Variants in HTR4 observed in about 807,000 individuals in gnomAD.
HTR4 encodes 5-hydroxytryptamine (serotonin) receptor 4, G protein-coupled.
Under a neutral mutation model 36.8 loss-of-function variants are expected in HTR4, and 16 were observed. The observed-to-expected ratio is 0.43, with a 90% CI of 0.29 to 0.66. The LOEUF is 0.66. HTR4 is among the 30% of genes least tolerant of loss of function. The pLI is 0.13. For missense variants in HTR4, 438 were observed against 490.9 expected, an observed-to-expected ratio of 0.89 and a Z score of 1.02; for synonymous variants, 189 against 185.1, an observed-to-expected ratio of 1.02 and a Z score of -0.17.
chr5:148,553,361 C>T (rs1759789270), intron 2 of HTR4, among the ~76,000 whole-genome samples: 1 of 152,186 alleles, frequency 6.6e-6, no homozygotes, highest in African/African-American at 2.4e-5. Flanking sequence ...GAACTTTAAG[C>T]AGTGGTTCCC....
intron 2 of HTR4, among the ~76,000 whole-genome samples, chr5:148,633,359 G>C (rs537604257): frequency 6.6e-6 from 1 of 151,500 alleles, no homozygotes; most frequent in South Asian, 2.1e-4. Flanking sequence ...ATAGCGCATT[G>C]TATGTATCTT....
intron 2 of HTR4, among the ~76,000 whole-genome samples, chr5:148,584,459 A>G (rs1476286062): frequency 6.6e-6 from 1 of 152,192 alleles, no homozygotes; most frequent in Non-Finnish European, 1.5e-5. Flanking sequence ...GTATTTATAT[A>G]TAAAAAAACT....
At chr5:148,502,824 G>A (rs1232213076) in intron 6 of HTR4, among the ~76,000 whole-genome samples, 1 of 152,196 alleles carries the variant, frequency 6.6e-6, no homozygotes, top group African/African-American at 2.4e-5. Context: ...GAAAACCAAG[G>A]CACGAGAACT....
At chr5:148,614,413 G>C (rs1244173208) in intron 2 of HTR4, among the ~76,000 whole-genome samples, 1 of 152,148 alleles carries the variant, frequency 6.6e-6, no homozygotes, top group East Asian at 1.9e-4. Context: ...ACAAACTTGA[G>C]AAAAACAAGC....
At chr5:148,485,722 G>C (rs1214627498) in intron 6 of HTR4, among the ~76,000 whole-genome samples, 1 of 152,164 alleles carries the variant, frequency 6.6e-6, no homozygotes, top group East Asian at 1.9e-4. Context: ...GAAGGTAGGA[G>C]GAAAGTCCGG....
At chr5:148,499,091 G>A (rs1350089917) in intron 6 of HTR4, among the ~76,000 whole-genome samples, 1 of 152,090 alleles carries the variant, frequency 6.6e-6, no homozygotes, top group Non-Finnish European at 1.5e-5. Flanking sequence ...GAAACAGTTG[G>A]GTCTGAATTC....
chr5:148,526,766 G>C lies in HTR4; in HGVS notation c.354-3420C>G, dbSNP rs540405842. On this transcript the variant is annotated intron_variant, in intron 4 of 6. Coordinates refer to ENST00000377888, the MANE Select transcript of HTR4 (RefSeq NM_000870.7). Reference sequence around the variant, plus strand: ...GGAGGACATTATGTTAAGTGAATAAGCCAGGCACAGAAGGACAAATATTGC... The same window carrying C: ...GGAGGACATTATGTTAAGTGAATAACCCAGGCACAGAAGGACAAATATTGC... Among the ~76,000 whole-genome samples, 29 of 152,246 alleles carry C rather than the reference G, an allele frequency of 1.9e-4. 1 individual carries two copies. Among genetic ancestry groups the C allele is most frequent in the African/African-American group, 4.8e-4 (20 of 41,550 alleles).
chr5:148,593,754 C>A (rs1204647452), intron 2 of HTR4, among the ~76,000 whole-genome samples: 4 of 152,226 alleles, frequency 2.6e-5, no homozygotes, highest in East Asian at 1.9e-4. Flanking sequence ...AAAAATAAAA[C>A]CTTGAATTCT....
downstream of HTR4, among the ~76,000 whole-genome samples, chr5:148,471,751 T>C (rs200435425): frequency 7.9e-5 from 12 of 152,314 alleles, no homozygotes; most frequent in East Asian, 2.3e-3. Context: ...AACGTTGGAT[T>C]TTTATTTCAG....
At position 148,470,842 on chromosome 5, in the gene HTR4, C is replaced by A. The variant is rs563350013; in HGVS notation, c.1077-19570G>T. Among the ~76,000 whole-genome samples, 13 of 152,284 alleles carry A rather than the reference C, an allele frequency of 8.5e-5. No individual in the cohort carries two copies. The South Asian group carries it at 2.7e-3, about 32-fold the overall frequency. ...TAGCTGGGATTACAGGCACCCACCA[C>A]CATGACCAGCTAATTTTTGTATTTT... is the stretch of plus-strand genomic sequence containing the variant. On this transcript the variant is annotated intron_variant, in intron 5 of 5. Transcript: ENST00000521530.
intron 1 of HTR4, among the ~76,000 whole-genome samples, chr5:148,647,822 C>T (rs775566644): frequency 4.3e-4 from 66 of 152,168 alleles, no homozygotes; most frequent in Admixed American, 3.9e-3. Context: ...GCACTCCAGC[C>T]TCGCTGACAG....
chr5:148,544,716 T>C (rs913839642), intron 4 of HTR4, among the ~76,000 whole-genome samples: 2 of 152,220 alleles, frequency 1.3e-5, no homozygotes, highest in Admixed American at 6.5e-5. Flanking sequence ...AAATTCTTAT[T>C]AACAGAATTC....
At chr5:148,491,140 A>G (rs1164118129) in intron 6 of HTR4, among the ~76,000 whole-genome samples, 1 of 152,152 alleles carries the variant, frequency 6.6e-6, no homozygotes, top group Non-Finnish European at 1.5e-5. Context: ...CTTCCTGAAC[A>G]GCTGCTCTGA....
intron 5 of HTR4, among the ~76,000 whole-genome samples, chr5:148,469,827 A>C (rs1170983851): frequency 6.6e-6 from 1 of 152,212 alleles, no homozygotes; most frequent in Non-Finnish European, 1.5e-5. Flanking sequence ...TTTGATGGAG[A>C]GGCAGTATGA....
chr5:148,519,882 G>C (rs573365397), intron 5 of HTR4, among the ~76,000 whole-genome samples: 2 of 152,120 alleles, frequency 1.3e-5, no homozygotes, highest in African/African-American at 2.4e-5. Context: ...GTTTGTAATT[G>C]CAAGAAGGCT....
At chr5:148,582,160 T>A (rs1761160875) in intron 2 of HTR4, among the ~76,000 whole-genome samples, 1 of 152,098 alleles carries the variant, frequency 6.6e-6, no homozygotes, top group Non-Finnish European at 1.5e-5. Flanking sequence ...TGCAACTCAC[T>A]TTCGTGTGTT....
In HTR4 at chr5:148,522,720, A is replaced by G. The variant is rs561711293; in HGVS notation, c.507+473T>C. On this transcript the variant is annotated intron_variant, in intron 5 of 6. Transcript: ENST00000377888. ...AAGTGGAAATTTATAGCCAAACAGCATGGTGAGTGGGGGTTAGTGGATGGA... is the reference window on the plus strand; with the variant it reads ...AAGTGGAAATTTATAGCCAAACAGCGTGGTGAGTGGGGGTTAGTGGATGGA... Among the ~76,000 whole-genome samples the G allele has an allele frequency of 1.4e-3, 220 of 152,290 alleles. 2 individuals carry two copies. The highest frequency in any genetic ancestry group is 2.7e-3 in the Admixed American group (42 of 15,286).
intron 4 of HTR4, among the ~76,000 whole-genome samples, chr5:148,530,529 G>T (rs183394138): frequency 6.6e-4 from 100 of 152,346 alleles, no homozygotes; most frequent in African/African-American, 2.4e-3. Flanking sequence ...AGATTACAGA[G>T]GATGTATGGA....
At chr5:148,649,943 C>T (rs1442147648) in intron 1 of HTR4, among the ~76,000 whole-genome samples, 1 of 152,128 alleles carries the variant, frequency 6.6e-6, no homozygotes, top group African/African-American at 2.4e-5. Flanking sequence ...AACATCATCA[C>T]CTGCGAACCT....
Sources: gnomAD v4.1 joint callset for allele counts (sites outside exome capture counted in the v4.1 genomes callset) on GRCh38, gnomAD v4.1.1 for gene constraint, MANE v1.5 for transcripts, NCBI Gene and HGNC (gene_info 2026-07-23, HGNC 2026-07-21) for gene names.